Variants in TIMP3 observed in about 807,000 individuals in gnomAD.
TIMP3 encodes the protein metalloproteinase inhibitor 3.
In TIMP3, 11 loss-of-function variants were observed where a neutral mutation model predicts 30.0. The observed-to-expected ratio is 0.37, with a 90% confidence interval of 0.23 to 0.61. TIMP3 has a LOEUF of 0.61. Among genes scored for constraint, TIMP3 ranks in the 20% least tolerant of loss-of-function variants. The pLI is 0.70. For synonymous variants in TIMP3, 112 were observed against 111.3 expected (o/e 1.01, Z -0.04); for missense variants, 181 against 276.8 (o/e 0.65, Z 2.45).
intron 1 of TIMP3, among the ~76,000 whole-genome samples, chr22:32,832,062 TG>T (rs1459676353): frequency 1.3e-5 from 2 of 152,120 alleles, no homozygotes; most frequent in Non-Finnish European, 2.9e-5. Flanking sequence ...ATGGACCAGG[TG>T]GGGTGATTAG....
rs2048504078 is a variant in TIMP3 at position 32,860,477 on chromosome 22, C to A, written c.*1100C>A. On this transcript the variant is annotated 3_prime_UTR_variant, in exon 5 of 5. Transcript: ENST00000266085. ...GTTAAATATGCCAATAGTTTAATCT[C>A]TTCTATTTTGTTGTCGTTGCTTGTT... 6.6e-6 allele frequency: 1 copy of A among 152,580 alleles called. No homozygotes were observed. Among genetic ancestry groups the A allele is most frequent in the Admixed American group, 6.5e-5 (1 of 15,274 alleles). 9.5% of individuals were successfully genotyped at this position (152,580 alleles called of 1,614,324 possible).
chr22:32,825,792 G>T (rs5754305), intron 1 of TIMP3, among the ~76,000 whole-genome samples: 2 of 142,956 alleles, frequency 1.4e-5, no homozygotes, highest in South Asian at 4.7e-4. Flanking sequence ...GTTTATCATA[G>T]AGTTGTTTAT....
intron 1 of TIMP3, among the ~76,000 whole-genome samples, chr22:32,842,702 G>A (rs1292487741): frequency 6.6e-6 from 1 of 152,178 alleles, no homozygotes; most frequent in East Asian, 1.9e-4. Flanking sequence ...AGAACCCTTA[G>A]GGAGCCTGTG....
intron 1 of TIMP3, among the ~76,000 whole-genome samples, chr22:32,844,026 TG>T (rs1397030028): frequency 6.6e-6 from 1 of 152,186 alleles, no homozygotes. Flanking sequence ...CTTCCGTTGA[TG>T]CTACCATGGG....
At chr22:32,834,229 T>C (rs991499451) in intron 1 of TIMP3, among the ~76,000 whole-genome samples, 2 of 152,112 alleles carry the variant, frequency 1.3e-5, no homozygotes, top group Non-Finnish European at 2.9e-5. Flanking sequence ...CTCGGCTCAC[T>C]GCAGCCTCCG....
intron 1 of TIMP3, among the ~76,000 whole-genome samples, chr22:32,831,024 A>G (rs1305832757): frequency 6.6e-6 from 1 of 152,138 alleles, no homozygotes; most frequent in East Asian, 1.9e-4. Flanking sequence ...ATATTGACAG[A>G]GTGAAAAGTA....
At chr22:32,848,568 G>GT (rs1279119254) in intron 1 of TIMP3, among the ~76,000 whole-genome samples, 6 of 152,116 alleles carry the variant, frequency 3.9e-5, no homozygotes, top group African/African-American at 1.2e-4. Context: ...CCCTTCCATG[G>GT]TTAGCCCATT....
At position 32,821,094 on chromosome 22, in the gene TIMP3, C is replaced by T. The variant is rs546263445; in HGVS notation, c.121+18972C>T. On this transcript the variant is annotated intron_variant, in intron 1 of 4. Transcript: ENST00000266085. ...ACCCACCGGTGCAATCTCCCAGGCT[C>T]TTCTGAAGGGTTTGGAGAGACAGTG... 2.0e-5 allele frequency among the ~76,000 whole-genome samples: 3 copies of T among 152,148 alleles called. No homozygotes were observed. In the South Asian group the frequency reaches 6.2e-4, roughly 32 times the overall value.
intron 1 of TIMP3, chr22:32,833,950 G>A (rs2047654142): frequency 2.1e-6 from 1 of 485,060 alleles, no homozygotes; most frequent in African/African-American, 2.0e-5. Context: ...TTATAATTAG[G>A]GAAAGTGGGG....
At chr22:32,850,533 T>C (rs960991422) in intron 2 of TIMP3, among the ~76,000 whole-genome samples, 1 of 152,156 alleles carries the variant, frequency 6.6e-6, no homozygotes, top group African/African-American at 2.4e-5. Context: ...CCTCTCTACA[T>C]GCAGAGCTCC....
intron 1 of TIMP3, among the ~76,000 whole-genome samples, chr22:32,813,486 T>TACACACACACACACACAC (rs130277): frequency 7.2e-6 from 1 of 138,186 alleles, no homozygotes; most frequent in Non-Finnish European, 1.6e-5. Context: ...TCTGAAAAGA[T>TACACACACACACACACAC]ACACACACAC....
chr22:32,820,927 A>G (rs772502268), intron 1 of TIMP3, among the ~76,000 whole-genome samples: 1 of 152,184 alleles, frequency 6.6e-6, no homozygotes, highest in South Asian at 2.1e-4. Context: ...TATGGATGAT[A>G]AAGGGTAGGG....
At chr22:32,820,147 A>T (rs2047195125) in intron 1 of TIMP3, among the ~76,000 whole-genome samples, 1 of 151,946 alleles carries the variant, frequency 6.6e-6, no homozygotes, top group Non-Finnish European at 1.5e-5. Flanking sequence ...CATCCTATTC[A>T]GGCCGTCTCT....
At chr22:32,824,795 T>TAAA (rs2047353532) in intron 1 of TIMP3, among the ~76,000 whole-genome samples, 1 of 152,144 alleles carries the variant, frequency 6.6e-6, no homozygotes, top group African/African-American at 2.4e-5. Context: ...TGATACTGAG[T>TAAA]AAAGACATGG....
At chr22:32,850,957 G>A (rs888477922) in intron 2 of TIMP3, among the ~76,000 whole-genome samples, 2 of 152,104 alleles carry the variant, frequency 1.3e-5, no homozygotes, top group Non-Finnish European at 2.9e-5. Flanking sequence ...TAATTTTGTG[G>A]AACCTGTTGC....
At chr22:32,813,876 TCA>T (rs2046982766) in intron 1 of TIMP3, among the ~76,000 whole-genome samples, 1 of 152,060 alleles carries the variant, frequency 6.6e-6, no homozygotes. Flanking sequence ...GTGGAAGAAT[TCA>T]CAGACACAAT....
intron 1 of TIMP3, among the ~76,000 whole-genome samples, chr22:32,805,071 G>A (rs2046691582): frequency 6.6e-6 from 1 of 152,116 alleles, no homozygotes; most frequent in Admixed American, 6.5e-5. Context: ...AAGGTGGCTG[G>A]CAGGGCTGAG....
chr22:32,815,649 AT>A (rs889694100), intron 1 of TIMP3, among the ~76,000 whole-genome samples: 1 of 152,214 alleles, frequency 6.6e-6, no homozygotes, highest in Non-Finnish European at 1.5e-5. Context: ...AATAAATTCT[AT>A]TCTTTACTAT....
chr22:32,859,565 G>T lies in TIMP3; in HGVS notation c.*188G>T. 1.4e-6 allele frequency: 1 copy of T among 728,192 alleles called. No individual in the cohort carries two copies. The highest frequency in any genetic ancestry group is 2.2e-6 in the Non-Finnish European group (1 of 462,730). 45.1% of individuals were successfully genotyped at this position (728,192 alleles called of 1,614,324 possible). ...GGAACTATCCTCCTGGCCCCACCCT[G>T]CCCCTTCTTTTTGGTTTTGACATCA... On this transcript the variant is annotated 3_prime_UTR_variant, in exon 5 of 5. Coordinates refer to ENST00000266085, the MANE Select transcript of TIMP3 (RefSeq NM_000362.5).
Sources: gnomAD v4.1 joint callset for allele counts (sites outside exome capture counted in the v4.1 genomes callset) on GRCh38, gnomAD v4.1.1 for gene constraint, MANE v1.5 for transcripts, NCBI Gene and HGNC (gene_info 2026-07-23, HGNC 2026-07-21) for gene names.